Variants in PIEZO1 observed in about 807,000 individuals in gnomAD.
The protein encoded by PIEZO1 is piezo type mechanosensitive ion channel component 1 (Er blood group).
Under a neutral mutation model 297.2 loss-of-function variants are expected in PIEZO1, and 296 were observed. That is an observed-to-expected ratio of 1.00 (90% CI 0.91 to 1.10). The LOEUF is 1.10. PIEZO1 is among the 50% of genes least tolerant of loss of function. PIEZO1 has a pLI of 0.00. For synonymous variants in PIEZO1, 2,427 were observed against 1,507.5 expected (o/e 1.61, Z -14.13); for missense variants, 5,018 against 3,455.5 (o/e 1.45, Z -11.34).
Position 88,785,131 on chromosome 16 carries a change from G to C in PIEZO1, c.-167C>G, listed in dbSNP as rs951397055. 2.8e-6 allele frequency: 1 copy of C among 352,974 alleles called. No homozygotes were observed. Among genetic ancestry groups the C allele is most frequent in the African/African-American group, 2.2e-5 (1 of 46,334 alleles). The allele number at this position is 352,974 out of a possible 1,614,324, so 21.9% of individuals were successfully genotyped here. A position where few individuals can be genotyped will look rare whatever the true frequency, so the allele number is the denominator to read the frequency against. ...CCGCCCCGCCGGTGCCGACGTCCCG[G>C]GCCCGCGCTCGCTCAGGCGACCGCC... is the stretch of plus-strand genomic sequence containing the variant. On this transcript the variant is annotated 5_prime_UTR_variant, in exon 1 of 51. Transcript: ENST00000301015.
In PIEZO1 at chr16:88,731,794, G is replaced by C; in HGVS notation, c.3108C>G (p.Arg1036=). 1 of 1,549,296 alleles carries C rather than the reference G, an allele frequency of 6.5e-7. No individual in the cohort carries two copies. The highest frequency in any genetic ancestry group is 1.7e-4 in the Middle Eastern group (1 of 5,990). The part of the protein sequence containing the change: ...LTRRHRQAIA[R]LWPNYCLFLA... ...GGAAGAGGCAGTAGTTGGGCCAGAG[G>C]CGGGCAATGGCCTGGCGGTGCCTGC... Residue 1036 remains arginine (R), a synonymous_variant, in exon 22 of 51, where the codon CGC becomes CGG. Transcript: ENST00000301015.
Position 88,736,240 on chromosome 16 carries a change from G to A in PIEZO1, c.1465C>T (p.Arg489Cys), listed in dbSNP as rs59550107. 3.2e-5 allele frequency: 49 copies of A among 1,549,940 alleles called. No individual in the cohort carries two copies. Among genetic ancestry groups the A allele is most frequent in the South Asian group, 1.7e-4 (14 of 84,056 alleles). Residue 489 changes from arginine (R) to cysteine (C), a missense_variant, in exon 12 of 51, where the codon CGC becomes TGC. Physicochemically the swap from Arg to Cys is radical, Grantham distance 180 (BLOSUM62 -3). Coordinates refer to ENST00000301015, the MANE Select transcript of PIEZO1 (RefSeq NM_001142864.4). Reference sequence around the variant, plus strand: ...CCCAGGGTGGTGGGCAGCTCAGGGCGCAGGTCCATGGCCCACACGTAGCGT... The same window carrying A: ...CCCAGGGTGGTGGGCAGCTCAGGGCACAGGTCCATGGCCCACACGTAGCGT... ...CLRYVWAMDL[R>C]PELPTTLGPV...
At chr16:88,756,964 T>C (rs1387080295) in intron 1 of PIEZO1, among the ~76,000 whole-genome samples, 1 of 151,820 alleles carries the variant, frequency 6.6e-6, no homozygotes, top group African/African-American at 2.4e-5. Flanking sequence ...TAGTCCCAGC[T>C]ACTTGGGGGG....
rs752255008 is a variant in PIEZO1, at chr16:88,726,454, G to A, written c.3798C>T (p.Pro1266=). The stretch of plus-strand genomic sequence containing the variant: ...CCTGGTCTCTGTCCATCATCTCCTT[G>A]GCTGCAAGGCAGGCACCGGCAAGGG... The part of the protein sequence containing the change: ...LVCTVKGYYD[P]KEMMDRDQDC... Residue 1266 remains proline (P), a splice_region_variant and synonymous_variant, in exon 27 of 51, where the codon CCC becomes CCT. Transcript: ENST00000301015. 1.1e-4 allele frequency: 166 copies of A among 1,549,242 alleles called. No homozygotes were observed. Among genetic ancestry groups the A allele is most frequent in the Non-Finnish European group, 1.3e-4 (149 of 1,146,108 alleles).
chr16:88,731,798 G>C lies in PIEZO1; in HGVS notation c.3104C>G (p.Ala1035Gly), dbSNP rs762537822. ...ILTRRHRQAI[A>G]RLWPNYCLFL... ...GAGGCAGTAGTTGGGCCAGAGGCGG[G>C]CAATGGCCTGGCGGTGCCTGCGGGT... is the stretch of plus-strand genomic sequence containing the variant. Residue 1035 changes from alanine (A) to glycine (G), a missense_variant, in exon 22 of 51, where the codon GCC becomes GGC. Physicochemically the swap from Ala to Gly is moderately conservative, Grantham distance 60. Coordinates refer to ENST00000301015, the MANE Select transcript of PIEZO1 (RefSeq NM_001142864.4). 11 of 1,548,832 alleles carry C rather than the reference G, an allele frequency of 7.1e-6. No homozygotes were observed. Among genetic ancestry groups the C allele is most frequent in the Non-Finnish European group, 9.6e-6 (11 of 1,146,516 alleles).
At position 88,721,483 on chromosome 16, in the gene PIEZO1, C is replaced by G. The variant is rs1912449057; in HGVS notation, c.5404-53G>C. The G allele has an allele frequency of 2.6e-6, 4 of 1,538,638 alleles. No homozygotes were observed. The South Asian group carries it at 3.6e-5, about 14-fold the overall frequency. ...GGCCTTGCCTCCCTGGTGGAGAGCA[C>G]AGGTGCCCAGAGGGCCTGCCCAGCC... On this transcript the variant is annotated intron_variant, in intron 38 of 50. Transcript: ENST00000301015.
chr16:88,765,769 G>T lies in PIEZO1; in HGVS notation c.65-16290C>A, dbSNP rs552056972. On this transcript the variant is annotated intron_variant, in intron 1 of 50. Transcript: ENST00000301015. ...GCGCACTACAACCTCTACCTCCTGG[G>T]TTCAAGCGATTCTCCTGCCTCAGCC... Among the ~76,000 whole-genome samples, 5 of 151,734 alleles carry T rather than the reference G, an allele frequency of 3.3e-5. No individual in the cohort carries two copies. In the South Asian group the frequency reaches 1.0e-3, roughly 32 times the overall value.
At chr16:88,719,263 G>C (rs1233887688) in intron 44 of PIEZO1, 2 of 335,654 alleles carry the variant, frequency 6.0e-6, no homozygotes, top group Non-Finnish European at 1.1e-5. Flanking sequence ...TTCTCTCTGA[G>C]AAAGGCCATT....
chr16:88,734,889 G>A lies in PIEZO1; in HGVS notation c.1834C>T (p.Leu612Phe), dbSNP rs1341606277. ...IVYMFLFLLC[L>F]TLFQVYYSLW... ...CCCCCAGCCACCTGGAAGAGGGTGA[G>A]GCAGAGCAGGAAGAGGAACATGTAG... Residue 612 changes from leucine (L) to phenylalanine (F), a missense_variant, in exon 14 of 51, where the codon CTC (leucine) becomes TTC (phenylalanine). Physicochemically the swap from Leu to Phe is conservative, Grantham distance 22 (BLOSUM62 0). Coordinates refer to ENST00000301015, the MANE Select transcript of PIEZO1 (RefSeq NM_001142864.4). 2.6e-6 allele frequency: 4 copies of A among 1,550,380 alleles called. No homozygotes were observed. Among genetic ancestry groups the A allele is most frequent in the Non-Finnish European group, 3.5e-6 (4 of 1,146,960 alleles).
At chr16:88,738,957 C>G in intron 5 of PIEZO1, 1 of 586,074 alleles carries the variant, frequency 1.7e-6, no homozygotes, top group Non-Finnish European at 3.0e-6. Flanking sequence ...GCAGGCCTTC[C>G]TGGTAGCAGC....
intron 1 of PIEZO1, among the ~76,000 whole-genome samples, chr16:88,758,199 C>G (rs1367587411): frequency 1.3e-5 from 2 of 152,158 alleles, no homozygotes. Context: ...CATTGAGGAG[C>G]AACAGCCCTC....
At chr16:88,749,539 G>A (rs562747959) in intron 1 of PIEZO1, 60 bp from the exon 2 acceptor site, 3 of 1,272,658 alleles carry the variant, frequency 2.4e-6, no homozygotes, top group East Asian at 2.7e-5. Context: ...CCACCCCAGA[G>A]GACAGCGCAC....
chr16:88,720,680 G>A lies in PIEZO1; in HGVS notation c.5737C>T (p.Pro1913Ser), dbSNP rs1478960214. 6.5e-7 allele frequency: 1 copy of A among 1,545,126 alleles called. No individual in the cohort carries two copies. Among genetic ancestry groups the A allele is most frequent in the Non-Finnish European group, 8.7e-7 (1 of 1,144,480 alleles). The part of the protein sequence containing the change: ...KEAPTGREKR[P>S]SRSGGRVRAA... ...CTTACTCTTCCTCCAGAGCGGCTTG[G>A]CCTCTTCTCTCTCCCCGTGGGGGCC... Residue 1913 changes from proline (P) to serine (S), a missense_variant, in exon 40 of 51, where the codon CCA becomes TCA. Physicochemically the swap from Pro to Ser is moderately conservative, Grantham distance 74. Coordinates refer to ENST00000301015, the MANE Select transcript of PIEZO1 (RefSeq NM_001142864.4).
chr16:88,716,407 G>C lies in PIEZO1; in HGVS notation c.7003C>G (p.Arg2335Gly). 1 of 1,549,240 alleles carries C rather than the reference G, an allele frequency of 6.5e-7. No individual in the cohort carries two copies. The highest frequency in any genetic ancestry group is 1.2e-5 in the South Asian group (1 of 83,906). Reference protein sequence around the residue: ...MLALAPNSTARRQLASLLEGT... With the variant: ...MLALAPNSTAGRQLASLLEGT... ...TCGAGCAGGCTGGCCAGCTGCCGCC[G>C]TGCAGTGCTGTTGGGGGCCAGGGCC... Residue 2335 changes from arginine to glycine, a missense_variant, in exon 48 of 51, where the codon CGG (arginine) becomes GGG (glycine). Arg to Gly is a moderately radical substitution (Grantham distance 125, BLOSUM62 -2). Coordinates refer to ENST00000301015, the MANE Select transcript of PIEZO1 (RefSeq NM_001142864.4).
chr16:88,732,708 G>A lies in PIEZO1; in HGVS notation c.2689C>T (p.Leu897=), dbSNP rs150958604. 2,365 of 1,548,416 alleles carry A rather than the reference G, an allele frequency of 1.5e-3. 54 individuals carry two copies. The East Asian group carries it at 0.048, about 31-fold the overall frequency. Residue 897 remains leucine, a synonymous_variant, in exon 20 of 51, where the codon CTG becomes TTG. Coordinates refer to ENST00000301015, the MANE Select transcript of PIEZO1 (RefSeq NM_001142864.4). ...AGGGACTGGCTGATCTCCGTGGGCA[G>A]CAAGTTGGTGCTGTTGGGGAAGGGC... The part of the protein sequence containing the change: ...TEPFPNSTNL[L]PTEISQSLLY...
intron 1 of PIEZO1, among the ~76,000 whole-genome samples, chr16:88,782,463 G>A (rs1355450884): frequency 6.6e-6 from 1 of 152,164 alleles, no homozygotes; most frequent in African/African-American, 2.4e-5. Context: ...CAAGGCTCCA[G>A]CAACATTAGG....
intron 30 of PIEZO1, 65 bp from the exon 31 acceptor site, chr16:88,724,036 G>T: frequency 1.0e-6 from 1 of 974,110 alleles, no homozygotes. Flanking sequence ...GACCCCCTCC[G>T]CCTGCATGGG....
chr16:88,731,755 C>G lies in PIEZO1; in HGVS notation c.3147G>C (p.Leu1049=), dbSNP rs1036396772. ...CCAGGCACAGCAGGTACTGGTACAG[C>G]AGGAACAGCGCCAGGAAGAGGCAGT... is the stretch of plus-strand genomic sequence containing the variant. ...PNYCLFLALF[L]LYQYLLCLGM... Residue 1049 remains leucine (L), a synonymous_variant, in exon 22 of 51, where the codon CTG becomes CTC. Coordinates refer to ENST00000301015, the MANE Select transcript of PIEZO1 (RefSeq NM_001142864.4). The G allele has an allele frequency of 2.6e-6, 4 of 1,549,748 alleles. No homozygotes were observed. In the East Asian group the frequency reaches 7.4e-5, roughly 29 times the overall value.
intron 2 of PIEZO1, among the ~76,000 whole-genome samples, chr16:88,746,125 G>C (rs1382831718): frequency 1.3e-5 from 2 of 152,224 alleles, no homozygotes; most frequent in African/African-American, 4.8e-5. Flanking sequence ...CCTTGAGGCT[G>C]AGCCATGAGG....
Sources: allele counts gnomAD v4.1 joint callset (sites outside exome capture counted in the v4.1 genomes callset), GRCh38; gene constraint gnomAD v4.1.1; transcripts MANE v1.5; gene names NCBI Gene and HGNC (gene_info 2026-07-23, HGNC 2026-07-21).